The following GALNT13 variants were observed in gnomAD, a reference collection of about 807,000 sequenced individuals.
GALNT13 encodes the protein UDP-GalNAc:polypeptide N-acetylgalactosaminyltransferase 13.
In GALNT13, 28 loss-of-function variants were observed where a neutral mutation model predicts 64.2. The observed-to-expected ratio is 0.44, with a 90% CI of 0.32 to 0.60. GALNT13 has a LOEUF of 0.60. Ranked by LOEUF, GALNT13 falls within the 20% of genes least tolerant of loss-of-function variation. The pLI, the probability that GALNT13 is intolerant of heterozygous loss-of-function variation, is 0.05. For synonymous variants in GALNT13, 214 were observed against 224.6 expected (o/e 0.95, Z 0.42); for missense variants, 577 against 669.8 (o/e 0.86, Z 1.53).
At chr2:153,764,764 A>T in the GALNT13 span, among the ~76,000 whole-genome samples, 1 of 152,232 alleles carries the variant, frequency 6.6e-6, no homozygotes, top group Non-Finnish European at 1.5e-5. Flanking sequence ...GAAGCCTTGA[A>T]GTAATAAATG....
the GALNT13 span, among the ~76,000 whole-genome samples, chr2:153,545,355 A>G: frequency 3.3e-5 from 5 of 152,186 alleles, no homozygotes; most frequent in Admixed American, 6.5e-5. Flanking sequence ...TACTGCTGCC[A>G]CACATGTTGA....
At chr2:154,135,783 G>A (rs962749676) in intron 3 of GALNT13, among the ~76,000 whole-genome samples, 8 of 152,090 alleles carry the variant, frequency 5.3e-5, no homozygotes, top group East Asian at 1.9e-4. Context: ...AGCTGTGACC[G>A]TGAAACTACA....
chr2:154,158,062 A>G (rs1684525869), intron 4 of GALNT13, among the ~76,000 whole-genome samples: 1 of 152,114 alleles, frequency 6.6e-6, no homozygotes, highest in South Asian at 2.1e-4. Context: ...TGGTAATTTC[A>G]TGTAGTGTGT....
chr2:153,706,225 C>T, the GALNT13 span, among the ~76,000 whole-genome samples: 3 of 151,972 alleles, frequency 2.0e-5, no homozygotes, highest in South Asian at 2.1e-4. Context: ...TGGATCTCCT[C>T]ACCTCGTGAT....
the GALNT13 span, among the ~76,000 whole-genome samples, chr2:153,739,588 A>AT: frequency 9.6e-6 from 1 of 104,472 alleles, no homozygotes; most frequent in Admixed American, 8.5e-5. Flanking sequence ...TCATTATTTT[A>AT]TTTATTTATT....
chr2:153,776,960 T>A, the GALNT13 span, among the ~76,000 whole-genome samples: 1 of 152,234 alleles, frequency 6.6e-6, no homozygotes, highest in African/African-American at 2.4e-5. Flanking sequence ...TGAAAAGTGG[T>A]TCTACCATTT....
At chr2:153,460,376 A>T in the GALNT13 span, among the ~76,000 whole-genome samples, 1 of 152,014 alleles carries the variant, frequency 6.6e-6, no homozygotes, top group Non-Finnish European at 1.5e-5. Flanking sequence ...ATGTATAGAG[A>T]CCTCATTCAC....
chr2:153,345,689 T>TTCTTTCTTTCTTTC, the GALNT13 span, among the ~76,000 whole-genome samples: 16 of 137,716 alleles, frequency 1.2e-4, no homozygotes, highest in African/African-American at 4.3e-4. Context: ...CTTTCTTTCT[T>TTCTTTCTTTCTTTC]TCTTTCTTTC....
At chr2:153,896,531 A>G (rs1687907874) in intron 1 of GALNT13, among the ~76,000 whole-genome samples, 1 of 152,032 alleles carries the variant, frequency 6.6e-6, no homozygotes. Flanking sequence ...CTAATTATTC[A>G]AAAACATTTA....
At chr2:154,003,572 ATTTTC>A (rs1282222894) in intron 3 of GALNT13, among the ~76,000 whole-genome samples, 2 of 151,460 alleles carry the variant, frequency 1.3e-5, no homozygotes, top group African/African-American at 4.9e-5. Context: ...ACTCCTCTTA[ATTTTC>A]TTTTAAGTAT....
intron 9 of GALNT13, among the ~76,000 whole-genome samples, chr2:154,366,428 G>A (rs1250425556): frequency 6.6e-6 from 1 of 152,112 alleles, no homozygotes; most frequent in Non-Finnish European, 1.5e-5. Flanking sequence ...TGCATATGTA[G>A]CACAGCCTCA....
chr2:153,922,661 C>T (rs1383012004), intron 2 of GALNT13, among the ~76,000 whole-genome samples: 1 of 151,978 alleles, frequency 6.6e-6, no homozygotes, highest in Non-Finnish European at 1.5e-5. Context: ...TAATCCTTCC[C>T]CCAACCCTTA....
chr2:153,241,277 C>T, the GALNT13 span, among the ~76,000 whole-genome samples: 5,366 of 152,236 alleles, frequency 0.035, 142 homozygotes, highest in Non-Finnish European at 0.052. Flanking sequence ...ACTGAATTAC[C>T]AGTTGGATCA....
At chr2:153,400,424 A>T in the GALNT13 span, among the ~76,000 whole-genome samples, 4 of 152,314 alleles carry the variant, frequency 2.6e-5, no homozygotes, top group Admixed American at 2.6e-4. Context: ...TGGTATCAGA[A>T]TGATGCTAGC....
chr2:153,449,362 C>T, the GALNT13 span, among the ~76,000 whole-genome samples: 1 of 152,158 alleles, frequency 6.6e-6, no homozygotes, highest in African/African-American at 2.4e-5. Context: ...TGTGTTGTCT[C>T]TGCAAGTGCT....
At chr2:153,885,679 CA>C (rs1432006474) in intron 1 of GALNT13, among the ~76,000 whole-genome samples, 25 of 152,004 alleles carry the variant, frequency 1.6e-4, no homozygotes, top group African/African-American at 5.3e-4. Flanking sequence ...TGCAAATTTA[CA>C]GAAGAATTGG....
At chr2:153,766,509 C>A in the GALNT13 span, among the ~76,000 whole-genome samples, 1 of 152,118 alleles carries the variant, frequency 6.6e-6, no homozygotes, top group Non-Finnish European at 1.5e-5. Flanking sequence ...GATTAGGCCT[C>A]TTGATGATGT....
the GALNT13 span, among the ~76,000 whole-genome samples, chr2:153,497,288 A>G: frequency 6.6e-6 from 1 of 152,084 alleles, no homozygotes. Flanking sequence ...CACCTCAAGT[A>G]TATAAGTTTT....
At chr2:154,190,954 A>T (rs2105754848) in intron 4 of GALNT13, among the ~76,000 whole-genome samples, 1 of 152,334 alleles carries the variant, frequency 6.6e-6, no homozygotes, top group South Asian at 2.1e-4. Context: ...TGTGTATCTT[A>T]TACTTAATGG....
Sources: allele counts gnomAD v4.1 joint callset (sites outside exome capture counted in the v4.1 genomes callset), GRCh38; gene constraint gnomAD v4.1.1; transcripts MANE v1.5; gene names NCBI Gene and HGNC (gene_info 2026-07-23, HGNC 2026-07-21).